The following FMOD variants were observed in gnomAD, a reference collection of about 807,000 sequenced individuals.
The protein encoded by FMOD is fibromodulin, also known as KSPG fibromodulin.
A neutral mutation model predicts 27.0 loss-of-function variants in FMOD; 15 were observed. That is an observed-to-expected ratio of 0.55 (90% CI 0.37 to 0.85). The LOEUF (loss-of-function observed/expected upper bound fraction) is 0.85, where lower values mean the gene tolerates loss of function less well. Among genes scored for constraint, FMOD ranks in the 40% least tolerant of loss-of-function variants. The pLI is 0.00. For synonymous variants in FMOD, 210 were observed against 214.0 expected (o/e 0.98, Z 0.16); for missense variants, 460 against 483.2 (o/e 0.95, Z 0.45).
At chr1:203,349,738 C>T (rs1045131879) in intron 1 of FMOD, among the ~76,000 whole-genome samples, 1 of 152,124 alleles carries the variant, frequency 6.6e-6, no homozygotes, top group Non-Finnish European at 1.5e-5. Flanking sequence ...TGGGAAAGAC[C>T]CCAACTATGA....
chr1:203,343,458 G>T (rs1658831055), intron 2 of FMOD, among the ~76,000 whole-genome samples: 2 of 152,230 alleles, frequency 1.3e-5, no homozygotes, highest in Non-Finnish European at 2.9e-5. Flanking sequence ...AGCTGAGGAA[G>T]CCTCGTAGGG....
chr1:203,348,823 C>T (rs111300721), intron 1 of FMOD, among the ~76,000 whole-genome samples: 9 of 152,220 alleles, frequency 5.9e-5, no homozygotes, highest in African/African-American at 2.2e-4. Flanking sequence ...TCTGGAAAAT[C>T]TTTTGGTCTC....
chr1:203,342,189 C>A lies in FMOD; in HGVS notation c.*154G>T. ...CAGAAGGCTGCCTGTCCCTGATCGC[C>A]CCCCCTAACCCCACCTACAGGAAAG... On this transcript the variant is annotated 3_prime_UTR_variant, in exon 3 of 3. Transcript: ENST00000354955. The A allele has an allele frequency of 1.1e-6, 1 of 877,474 alleles. No homozygotes were observed. Among genetic ancestry groups the A allele is most frequent in the Non-Finnish European group, 1.7e-6 (1 of 596,560 alleles). 54.4% of individuals were successfully genotyped at this position (877,474 alleles called of 1,614,324 possible). A position where few individuals can be genotyped will look rare whatever the true frequency, so the allele number is the denominator to read the frequency against.
chr1:203,347,918 G>A lies in FMOD; in HGVS notation c.353C>T (p.Thr118Ile). 1.2e-6 allele frequency: 2 copies of A among 1,612,850 alleles called. No individual in the cohort carries two copies. The highest frequency in any genetic ancestry group is 1.7e-6 in the Non-Finnish European group (2 of 1,178,954). Residue 118 changes from threonine to isoleucine, a missense_variant, in exon 2 of 3, where the codon ACC (threonine) becomes ATC (isoleucine). By Grantham distance (89) the Thr-to-Ile change is moderately conservative. Transcript: ENST00000354955. ...KYVYFQNNQITSIQEGVFDNA... is the reference protein window; with the variant it reads ...KYVYFQNNQIISIQEGVFDNA... ...GTCAAAGACGCCTTCCTGGATGGAGGTGATCTGGTTGTTCTGGAAGTACAC... is the reference window on the plus strand; with the variant it reads ...GTCAAAGACGCCTTCCTGGATGGAGATGATCTGGTTGTTCTGGAAGTACAC...
chr1:203,346,062 A>C (rs957062959), intron 2 of FMOD, among the ~76,000 whole-genome samples: 10 of 152,062 alleles, frequency 6.6e-5, no homozygotes, highest in Non-Finnish European at 1.5e-5. Flanking sequence ...TGCCTTGCCC[A>C]CCCGACTGTC....
In FMOD at chr1:203,340,978, G is replaced by C. The variant is rs573843866; in HGVS notation, c.*1365C>G. 1 of 152,412 alleles carries C rather than the reference G, an allele frequency of 6.6e-6. No homozygotes were observed. The highest frequency in any genetic ancestry group is 1.9e-4 in the East Asian group (1 of 5,192). The allele number at this position is 152,412 out of a possible 1,614,324, so 9.4% of individuals were successfully genotyped here. A position where few individuals can be genotyped will look rare whatever the true frequency, so the allele number is the denominator to read the frequency against. On this transcript the variant is annotated 3_prime_UTR_variant, in exon 3 of 3. Coordinates refer to ENST00000354955, the MANE Select transcript of FMOD (RefSeq NM_002023.5). Reference sequence around the variant, plus strand: ...GTCCTTGCCCCTGACTGCCCAGATGGCTTTGTCCCAACCTTGCCCAAAGGG... The same window carrying C: ...GTCCTTGCCCCTGACTGCCCAGATGCCTTTGTCCCAACCTTGCCCAAAGGG...
At chr1:203,348,434 C>G (rs1222720997) in intron 1 of FMOD, among the ~76,000 whole-genome samples, 157 bp from the exon 2 acceptor site, 1 of 152,230 alleles carries the variant, frequency 6.6e-6, no homozygotes, top group African/African-American at 2.4e-5. Context: ...TCTTCGGTGC[C>G]TCCTCCCAGT....
At chr1:203,342,744 C>G (rs1014877089) in intron 2 of FMOD, among the ~76,000 whole-genome samples, 2 of 151,714 alleles carry the variant, frequency 1.3e-5, no homozygotes, top group African/African-American at 4.8e-5. Context: ...TCTGCAGGCC[C>G]AGGAATGTTC....
chr1:203,347,479 G>A lies in FMOD; in HGVS notation c.792C>T (p.Phe264=). The change falls in exon 2 of 3, where the codon TTC becomes TTT. Residue 264 remains phenylalanine (F), a synonymous_variant. Coordinates refer to ENST00000354955, the MANE Select transcript of FMOD (RefSeq NM_002023.5). ...CATACAGCAGCTTGGGCGCCCCCCGGAAGTAGCTATCGGGGACGGTGTAGA... is the reference window on the plus strand; with the variant it reads ...CATACAGCAGCTTGGGCGCCCCCCGAAAGTAGCTATCGGGGACGGTGTAGA... The part of the protein sequence containing the change: ...NNVYTVPDSY[F]RGAPKLLYVR... 6.2e-7 allele frequency: 1 copy of A among 1,614,208 alleles called. No homozygotes were observed. The highest frequency in any genetic ancestry group is 8.5e-7 in the Non-Finnish European group (1 of 1,180,026).
chr1:203,347,674 C>G lies in FMOD; in HGVS notation c.597G>C (p.Leu199=). ...GGAGGTACAAGGCCGTGAGGTTCTCCAGCCCCTCCAGAGCATTGTTGGGGA... is the reference window on the plus strand; with the variant it reads ...GGAGGTACAAGGCCGTGAGGTTCTCGAGCCCCTCCAGAGCATTGTTGGGGA... The part of the protein sequence containing the change: ...SRVPNNALEG[L]ENLTALYLQH... The change falls in exon 2 of 3, where the codon CTG becomes CTC. Residue 199 remains leucine, a synonymous_variant. Coordinates refer to ENST00000354955, the MANE Select transcript of FMOD (RefSeq NM_002023.5). The G allele has an allele frequency of 6.2e-7, 1 of 1,614,162 alleles. No homozygotes were observed.
intron 1 of FMOD, 106 bp from the exon 2 acceptor site, chr1:203,348,383 T>G (rs1658934545): frequency 2.5e-6 from 3 of 1,184,046 alleles, no homozygotes; most frequent in South Asian, 3.0e-5. Context: ...CAGAGCTGAC[T>G]TCCATGTCAA....
intron 1 of FMOD, among the ~76,000 whole-genome samples, chr1:203,349,399 T>G (rs1558194069): frequency 6.6e-6 from 1 of 152,182 alleles, no homozygotes; most frequent in Non-Finnish European, 1.5e-5. Flanking sequence ...TTGAACCTGT[T>G]GTGCTAATGA....
intron 1 of FMOD, 42 bp from the exon 2 acceptor site, chr1:203,348,319 A>AGAC: frequency 6.3e-7 from 1 of 1,578,644 alleles, no homozygotes; most frequent in African/African-American, 1.3e-5. Context: ...AGCATGAGTG[A>AGAC]GACTCCACAG....
In FMOD at chr1:203,348,022, T is replaced by C. The variant is rs143745268; in HGVS notation, c.249A>G (p.Pro83=). The change falls in exon 2 of 3, where the codon CCA becomes CCG. Residue 83 remains proline, a synonymous_variant. Coordinates refer to ENST00000354955, the MANE Select transcript of FMOD (RefSeq NM_002023.5). Reference sequence around the variant, plus strand: ...AGTACATGGCCGTGGGGAAGTTGGGTGGGCAGTCGCACTCCTGGGGGCAGT... The same window carrying C: ...AGTACATGGCCGTGGGGAAGTTGGGCGGGCAGTCGCACTCCTGGGGGCAGT... The part of the protein sequence containing the change: ...PRDCPQECDC[P]PNFPTAMYCD... 101 of 1,609,320 alleles carry C rather than the reference T, an allele frequency of 6.3e-5. No individual in the cohort carries two copies. Among genetic ancestry groups the C allele is most frequent in the Admixed American group, 3.5e-4 (21 of 59,742 alleles).
rs558230108 is a variant in FMOD, at chr1:203,342,306, C to T, written c.*37G>A. The stretch of plus-strand genomic sequence containing the variant: ...AACCAAACCATCAAGCCAAATGCCA[C>T]GGGGGCTCTCCGCCCAGTACCCGGT... On this transcript the variant is annotated 3_prime_UTR_variant, in exon 3 of 3. Coordinates refer to ENST00000354955, the MANE Select transcript of FMOD (RefSeq NM_002023.5). The T allele has an allele frequency of 8.2e-6, 13 of 1,588,538 alleles. No homozygotes were observed. Among genetic ancestry groups the T allele is most frequent in the Admixed American group, 3.4e-5 (2 of 58,044 alleles).
rs147361294 is a variant in FMOD at position 203,347,690 on chromosome 1, T to C, written c.581A>G (p.Asn194Ser). The C allele has an allele frequency of 1.2e-6, 2 of 1,613,968 alleles. No homozygotes were observed. Among genetic ancestry groups the C allele is most frequent in the African/African-American group, 1.3e-5 (1 of 74,906 alleles). ...GAGGTTCTCCAGCCCCTCCAGAGCA[T>C]TGTTGGGGACCCGTGAGATCTGGTT... Reference protein sequence around the residue: ...DHNQISRVPNNALEGLENLTA... With the variant: ...DHNQISRVPNSALEGLENLTA... Residue 194 changes from asparagine (N) to serine (S), a missense_variant, in exon 2 of 3, where the codon AAT becomes AGT. Transcript: ENST00000354955.
At chr1:203,345,625 G>A (rs1231520469) in intron 2 of FMOD, among the ~76,000 whole-genome samples, 1 of 152,192 alleles carries the variant, frequency 6.6e-6, no homozygotes, top group African/African-American at 2.4e-5. Flanking sequence ...TTGGCTGGGC[G>A]CGGTGGCTCA....
chr1:203,347,208 T>C, intron 2 of FMOD, 84 bp downstream of exon 2: 2 of 1,487,396 alleles, frequency 1.3e-6, no homozygotes, highest in Non-Finnish European at 1.8e-6. Context: ...TTTCTATTTC[T>C]TTTGTTTTGC....
chr1:203,347,283 A>G lies in FMOD; in HGVS notation c.979+9T>C, dbSNP rs776970434. The G allele has an allele frequency of 5.0e-6, 8 of 1,593,644 alleles. No individual in the cohort carries two copies. The highest frequency in any genetic ancestry group is 6.8e-6 in the Non-Finnish European group (8 of 1,170,210). ...AGCCAGTCCCCGCCTCCCTTTGCCA[A>G]GGTCTCACCATTGATCCTATTGCCT... On this transcript the variant is annotated intron_variant, in intron 2 of 2. Transcript: ENST00000354955.
Sources: allele counts gnomAD v4.1 joint callset (sites outside exome capture counted in the v4.1 genomes callset), GRCh38; gene constraint gnomAD v4.1.1; transcripts MANE v1.5; gene names NCBI Gene and HGNC (gene_info 2026-07-23, HGNC 2026-07-21).